TMEM223: variants seen among roughly 807,000 people sequenced by gnomAD.
TMEM223 encodes the protein transmembrane protein 223.
A neutral mutation model predicts 14.1 loss-of-function variants in TMEM223; 14 were observed. The observed-to-expected ratio is 0.99, with a 90% CI of 0.66 to 1.55. TMEM223 has a LOEUF of 1.55. TMEM223 is among the 40% of genes most tolerant of loss of function. The pLI, the probability that TMEM223 is intolerant of heterozygous loss-of-function variation, is 0.00. For synonymous variants in TMEM223, 145 were observed against 120.5 expected, an observed-to-expected ratio of 1.20 and a Z score of -1.33; for missense variants, 346 against 269.9, an observed-to-expected ratio of 1.28 and a Z score of -1.97.
intron 2 of TMEM223, among the ~76,000 whole-genome samples, chr11:62,772,887 G>GT (rs1262486447): frequency 5.4e-5 from 8 of 146,850 alleles, no homozygotes; most frequent in South Asian, 4.4e-4. Context: ...TTTGTTTTGT[G>GT]TTTTTTTTGA....
At chr11:62,779,105 C>T in intron 1 of TMEM223, 1 of 656,264 alleles carries the variant, frequency 1.5e-6, no homozygotes, top group Non-Finnish European at 2.6e-6. Flanking sequence ...ACCGCACCCT[C>T]TGCCTCCCAG....
rs952880099 is a variant in TMEM223, at chr11:62,775,871, G to A, written c.315-1206C>T. The A allele has an allele frequency of 6.2e-6, 10 of 1,613,926 alleles. No individual in the cohort carries two copies. Among genetic ancestry groups the A allele is most frequent in the Non-Finnish European group, 7.6e-6 (9 of 1,180,032 alleles). On this transcript the variant is annotated intron_variant, in intron 1 of 2. Coordinates refer to the TMEM223 transcript ENST00000528367. ...GGAGAGCACGGGCCTGGAGCTGAGCGATGAGGTGGCGGCGCTGCTCGCAGA... is the reference window on the plus strand; with the variant it reads ...GGAGAGCACGGGCCTGGAGCTGAGCAATGAGGTGGCGGCGCTGCTCGCAGA...
At chr11:62,785,434 C>A (rs192796677), downstream of TMEM223, among the ~76,000 whole-genome samples, 1 of 149,736 alleles carries the variant, frequency 6.7e-6, no homozygotes, top group African/African-American at 2.5e-5. Flanking sequence ...CCTCCTGATC[C>A]GCCTGCCTTG....
intron 1 of TMEM223, chr11:62,778,217 T>G: frequency 6.2e-7 from 1 of 1,613,504 alleles, no homozygotes; most frequent in South Asian, 1.1e-5. Flanking sequence ...GAGGCAGAAC[T>G]TGGAGGGGTA....
In TMEM223 at chr11:62,790,883, A is replaced by G. The variant is rs765802754; in HGVS notation, c.349T>C (p.Ser117Pro). The change falls in exon 2 of 2, where the codon TCT (serine) becomes CCT (proline). Residue 117 changes from serine (S) to proline (P), a missense_variant. Ser to Pro is a moderately conservative substitution (Grantham distance 74). Transcript: ENST00000307366. ...ACCACTGAGCGCACAGACCGGAGAG[A>G]GAAGAGAAGACCAGCACCGAGTACG... ...ALVLGAGLLFSLRSVRSVVLR... is the reference protein window; with the variant it reads ...ALVLGAGLLFPLRSVRSVVLR... The G allele has an allele frequency of 1.4e-5, 23 of 1,599,010 alleles. No individual in the cohort carries two copies. Among genetic ancestry groups the G allele is most frequent in the Non-Finnish European group, 1.9e-5 (22 of 1,170,892 alleles).
intron 1 of TMEM223, among the ~76,000 whole-genome samples, chr11:62,776,850 G>GAAA (rs71056563): frequency 2.9e-5 from 2 of 68,138 alleles, no homozygotes; most frequent in Admixed American, 1.7e-4. Flanking sequence ...CTCAAAAAAA[G>GAAA]AAAAAAAAAA....
At chr11:62,791,576 C>CGCCA (rs1291080092) in intron 1 of TMEM223, 103 bp downstream of exon 1, 1 of 1,343,824 alleles carries the variant, frequency 7.4e-7, no homozygotes, top group African/African-American at 1.5e-5. Flanking sequence ...AAAGCCCGCC[C>CGCCA]GCCACTCTCG....
At chr11:62,782,078 T>G (rs746148001) in intron 1 of TMEM223, 16 of 1,590,874 alleles carry the variant, frequency 1.0e-5, no homozygotes. Flanking sequence ...GCCTGTCCCC[T>G]CATGTCCCTG....
At chr11:62,788,573 G>C (rs190903693), downstream of TMEM223, among the ~76,000 whole-genome samples, 3,679 of 150,272 alleles carry the variant, frequency 0.024, 138 homozygotes, top group African/African-American at 0.086. Flanking sequence ...GCATGGTGGC[G>C]GGTGCCTGTA....
chr11:62,787,302 T>C, downstream of TMEM223: 5 of 1,534,254 alleles, frequency 3.3e-6, no homozygotes, highest in Non-Finnish European at 4.4e-6. Flanking sequence ...TCTGAGTCAG[T>C]GGCCCCTTCG....
At chr11:62,777,205 T>A (rs1379642456) in intron 1 of TMEM223, among the ~76,000 whole-genome samples, 1 of 151,142 alleles carries the variant, frequency 6.6e-6, no homozygotes, top group African/African-American at 2.4e-5. Flanking sequence ...TGGGCACCTG[T>A]AATCCCAACT....
At chr11:62,775,938 C>T in intron 1 of TMEM223, 1 of 1,594,844 alleles carries the variant, frequency 6.3e-7, no homozygotes, top group Non-Finnish European at 8.5e-7. Context: ...CAGGTACACT[C>T]CCCTCACCCC....
downstream of TMEM223, chr11:62,787,734 C>T (rs984707559): frequency 1.9e-5 from 13 of 698,868 alleles, no homozygotes; most frequent in Non-Finnish European, 2.6e-5. Flanking sequence ...GAAGTTGTCC[C>T]CTCGCCAAAG....
At chr11:62,784,138 C>T (rs2084252403), downstream of TMEM223, among the ~76,000 whole-genome samples, 3 of 146,024 alleles carry the variant, frequency 2.1e-5, no homozygotes, top group African/African-American at 5.0e-5. Flanking sequence ...TACAGGCACG[C>T]ACCACCAGGG....
intron 1 of TMEM223, chr11:62,781,710 T>G: frequency 1.8e-6 from 1 of 568,280 alleles, no homozygotes; most frequent in East Asian, 3.2e-5. Context: ...CAGGGCCATA[T>G]GCAGGTATAT....
downstream of TMEM223, chr11:62,782,620 T>C (rs557820291): frequency 6.3e-7 from 1 of 1,578,842 alleles, no homozygotes; most frequent in Admixed American, 1.7e-5. Flanking sequence ...TGCTATTCTC[T>C]TTGTGTTGTC....
intron 1 of TMEM223, chr11:62,781,678 A>AAT (rs1554997115): frequency 8.8e-4 from 410 of 464,192 alleles, no homozygotes; most frequent in Middle Eastern, 2.5e-3. Flanking sequence ...AAAAAAAAAA[A>AAT]GTTGGACATT....
downstream of TMEM223, among the ~76,000 whole-genome samples, chr11:62,788,585 T>G (rs1424257831): frequency 1.3e-5 from 2 of 148,188 alleles, no homozygotes; most frequent in Non-Finnish European, 3.0e-5. Flanking sequence ...GTGCCTGTAG[T>G]CCCAGCTACT....
At chr11:62,789,234 AG>A (rs760665974), downstream of TMEM223, 5 of 1,613,778 alleles carry the variant, frequency 3.1e-6, no homozygotes, top group African/African-American at 5.3e-5. Flanking sequence ...CCTGAGGGCC[AG>A]GGGCTGAGGT....
Sources: gnomAD v4.1 joint callset for allele counts (sites outside exome capture counted in the v4.1 genomes callset) on GRCh38, gnomAD v4.1.1 for gene constraint, MANE v1.5 for transcripts, NCBI Gene and HGNC (gene_info 2026-07-23, HGNC 2026-07-21) for gene names.